BNC2: variants seen among roughly 807,000 people sequenced by gnomAD.
The protein encoded by BNC2 is zinc finger protein basonuclin-2.
A neutral mutation model predicts 76.3 loss-of-function variants in BNC2; 20 were observed. The observed-to-expected ratio is 0.26, with a 90% CI of 0.18 to 0.38. The LOEUF is 0.38. Among genes scored for constraint, BNC2 ranks in the 10% least tolerant of loss-of-function variants. BNC2 has a pLI of 1.00. For missense variants in BNC2, 1,382 were observed against 1,399.8 expected (o/e 0.99, Z 0.20); for synonymous variants, 582 against 514.8 (o/e 1.13, Z -1.77).
intron 3 of BNC2, among the ~76,000 whole-genome samples, chr9:16,708,371 G>A (rs142820946): frequency 5.9e-5 from 9 of 152,326 alleles, no homozygotes; most frequent in African/African-American, 2.2e-4. Flanking sequence ...AACAGGACAT[G>A]CATGTGCAAA....
chr9:16,676,026 C>G (rs565812500), intron 3 of BNC2, among the ~76,000 whole-genome samples: 1 of 152,170 alleles, frequency 6.6e-6, no homozygotes, highest in Non-Finnish European at 1.5e-5. Context: ...GATTTCACCA[C>G]TGCGCTCCAG....
At chr9:16,496,785 C>G (rs931422409) in intron 5 of BNC2, among the ~76,000 whole-genome samples, 6 of 152,032 alleles carry the variant, frequency 3.9e-5, no homozygotes, top group Admixed American at 2.0e-4. Context: ...CTTTAGAAGC[C>G]CAGGCTATGG....
intron 6 of BNC2, among the ~76,000 whole-genome samples, chr9:16,435,343 T>C (rs1193202552): frequency 6.6e-6 from 1 of 152,138 alleles, no homozygotes; most frequent in African/African-American, 2.4e-5. Flanking sequence ...ACGGGTAAGA[T>C]GGCACATGAT....
chr9:16,630,671 A>G (rs1821133789), intron 3 of BNC2, among the ~76,000 whole-genome samples: 1 of 152,028 alleles, frequency 6.6e-6, no homozygotes, highest in Admixed American at 6.6e-5. Context: ...TTTTTAAGAA[A>G]TCTAGTAACT....
chr9:16,828,990 G>C (rs1050993969), intron 1 of BNC2, among the ~76,000 whole-genome samples: 6 of 152,150 alleles, frequency 3.9e-5, no homozygotes, highest in Non-Finnish European at 5.9e-5. Flanking sequence ...GTGTGAGCAG[G>C]GGGGCGGCGG....
chr9:16,821,049 A>G (rs899019663), intron 1 of BNC2, among the ~76,000 whole-genome samples: 2 of 152,082 alleles, frequency 1.3e-5, no homozygotes, highest in Non-Finnish European at 2.9e-5. Flanking sequence ...CCTGGCCAAC[A>G]TGGTGAAACC....
intron 1 of BNC2, among the ~76,000 whole-genome samples, chr9:16,785,557 GC>G (rs1223431360): frequency 3.7e-5 from 3 of 80,578 alleles, no homozygotes; most frequent in African/African-American, 1.5e-4. Flanking sequence ...ACTACACCCG[GC>G]TTTTTTTTTT....
intron 1 of BNC2, among the ~76,000 whole-genome samples, chr9:16,841,804 T>C (rs925805225): frequency 8.4e-6 from 1 of 119,126 alleles, no homozygotes; most frequent in Non-Finnish European, 1.7e-5. Context: ...AAGACATTAT[T>C]ATCAAATTTG....
Position 16,504,550 on chromosome 9 carries a change from T to C in BNC2, c.669+47980A>G, listed in dbSNP as rs116718795. On this transcript the variant is annotated intron_variant, in intron 5 of 6. Coordinates refer to ENST00000380672, the MANE Select transcript of BNC2 (RefSeq NM_017637.6). ...TAGACCCTGAAAGCTGCAAGAAAGATACAGACCCTCCAAATACTGGAGATC... is the reference window on the plus strand; with the variant it reads ...TAGACCCTGAAAGCTGCAAGAAAGACACAGACCCTCCAAATACTGGAGATC... 5.9e-3 allele frequency among the ~76,000 whole-genome samples: 897 copies of C among 152,290 alleles called. 12 individuals are homozygous for C. Among genetic ancestry groups the C allele is most frequent in the African/African-American group, 0.021 (866 of 41,562 alleles).
At chr9:16,428,912 T>C (rs1304183450) in intron 6 of BNC2, among the ~76,000 whole-genome samples, 1 of 152,234 alleles carries the variant, frequency 6.6e-6, no homozygotes, top group African/African-American at 2.4e-5. Flanking sequence ...TGTAGTTTTA[T>C]GTGAAATAAC....
At chr9:16,569,793 T>A (rs1819269460) in intron 4 of BNC2, among the ~76,000 whole-genome samples, 1 of 152,184 alleles carries the variant, frequency 6.6e-6, no homozygotes, top group South Asian at 2.1e-4. Flanking sequence ...TAAGAAGAGA[T>A]TTAGTAACTG....
intron 1 of BNC2, among the ~76,000 whole-genome samples, chr9:16,844,493 C>CTTTTTTTTTTTTTTTTT (rs67281132): frequency 9.7e-6 from 1 of 103,368 alleles, no homozygotes. Flanking sequence ...TTTTTCTTTT[C>CTTTTTTTTTTTTTTTTT]TTTTTTTTTT....
intron 4 of BNC2, among the ~76,000 whole-genome samples, chr9:16,570,444 C>G (rs760458601): frequency 2.0e-5 from 3 of 152,182 alleles, no homozygotes; most frequent in Non-Finnish European, 4.4e-5. Context: ...ATCACACACA[C>G]TTTTGGCACT....
intron 1 of BNC2, among the ~76,000 whole-genome samples, chr9:16,832,547 A>G (rs2136032394): frequency 6.6e-6 from 1 of 152,284 alleles, no homozygotes; most frequent in South Asian, 2.1e-4. Flanking sequence ...ACGAATCCGA[A>G]CCCAAGTTCT....
intron 4 of BNC2, among the ~76,000 whole-genome samples, chr9:16,557,876 T>C (rs186519313): frequency 2.2e-4 from 34 of 152,130 alleles, no homozygotes; most frequent in African/African-American, 7.7e-4. Flanking sequence ...TTTGTTTTTT[T>C]TTGAGACAGG....
Position 16,727,838 on chromosome 9 carries a change from G to C in BNC2, c.289C>G (p.Gln97Glu). 6.2e-7 allele frequency: 1 copy of C among 1,614,160 alleles called. No homozygotes were observed. Residue 97 changes from glutamine to glutamate, a missense_variant, in exon 3 of 7, where the codon CAA becomes GAA. Gln to Glu is a conservative substitution (Grantham distance 29). This residue lies in a region of BNC2 where 557 missense variants were observed against 540.9 expected (regional missense o/e 1.03). Coordinates refer to ENST00000380672, the MANE Select transcript of BNC2 (RefSeq NM_017637.6). Reference protein sequence around the residue: ...TAEPGFMGTWQNADTNLLFRM... With the variant: ...TAEPGFMGTWENADTNLLFRM... ...AATAAGAGGTTAGTATCAGCGTTTT[G>C]CCATGTCCCCATGAACCCTGGTTCA...
At chr9:16,717,655 G>C (rs1824029260) in intron 3 of BNC2, among the ~76,000 whole-genome samples, 2 of 152,164 alleles carry the variant, frequency 1.3e-5, no homozygotes, top group South Asian at 4.1e-4. Context: ...AATAAAGTGT[G>C]AGATAATGGA....
chr9:16,702,648 C>G (rs1311577935), intron 3 of BNC2, among the ~76,000 whole-genome samples: 4 of 151,530 alleles, frequency 2.6e-5, no homozygotes, highest in Non-Finnish European at 5.9e-5. Context: ...CCATCCTACA[C>G]TACTATTTCC....
chr9:16,657,466 C>T (rs557062863), intron 3 of BNC2, among the ~76,000 whole-genome samples: 2 of 152,122 alleles, frequency 1.3e-5, no homozygotes, highest in African/African-American at 2.4e-5. Flanking sequence ...GTGGAGAAGA[C>T]AAGAAACAGA....
Sources: gnomAD v4.1 joint callset for allele counts (sites outside exome capture counted in the v4.1 genomes callset) on GRCh38, gnomAD v4.1.1 for gene constraint, gnomAD v4.1.1 regional missense constraint, MANE v1.5 for transcripts, NCBI Gene and HGNC (gene_info 2026-07-23, HGNC 2026-07-21) for gene names.